PTPRJ: variants seen among roughly 807,000 people sequenced by gnomAD.
PTPRJ encodes protein tyrosine phosphatase receptor type J, also known as receptor-type tyrosine-protein phosphatase eta.
PTPRJ carries 129 observed loss-of-function variants against 141.3 expected under a neutral mutation model. The ratio of observed to expected loss-of-function variants is 0.91; its 90% CI spans 0.79 to 1.06. PTPRJ has a LOEUF of 1.06. Ranked by LOEUF, PTPRJ falls within the 50% of genes least tolerant of loss-of-function variation. The pLI is 0.00. For missense variants in PTPRJ, 1,601 were observed against 1,679.7 expected (o/e 0.95, Z 0.82); for synonymous variants, 610 against 640.5 (o/e 0.95, Z 0.72).
intron 1 of PTPRJ, among the ~76,000 whole-genome samples, chr11:48,027,065 C>G (rs576576209): frequency 1.5e-5 from 2 of 131,508 alleles, no homozygotes. Context: ...ATTGCAGTGG[C>G]GCGATCTCAG....
chr11:48,093,517 A>T (rs1855923886), intron 1 of PTPRJ, among the ~76,000 whole-genome samples: 1 of 152,176 alleles, frequency 6.6e-6, no homozygotes, highest in Non-Finnish European at 1.5e-5. Context: ...GAATTGTTAA[A>T]CTTTTACCAT....
chr11:48,007,387 G>A (rs1463609664), intron 1 of PTPRJ, among the ~76,000 whole-genome samples: 1 of 151,682 alleles, frequency 6.6e-6, no homozygotes, highest in Non-Finnish European at 1.5e-5. Context: ...GGGATTACAG[G>A]CATGAGCCAC....
chr11:48,020,729 C>T (rs1432828082), intron 1 of PTPRJ, among the ~76,000 whole-genome samples: 1 of 152,150 alleles, frequency 6.6e-6, no homozygotes, highest in African/African-American at 2.4e-5. Context: ...GGAAGTATCA[C>T]GGACTGAGTT....
At chr11:47,981,310 C>A (rs1244274673) in intron 1 of PTPRJ, among the ~76,000 whole-genome samples, 2 of 152,176 alleles carry the variant, frequency 1.3e-5, no homozygotes, top group Admixed American at 6.5e-5. Flanking sequence ...CTTCCCGGCG[C>A]TGGGCACATC....
chr11:48,097,525 G>C (rs1411895961), intron 1 of PTPRJ, among the ~76,000 whole-genome samples: 1 of 152,020 alleles, frequency 6.6e-6, no homozygotes, highest in African/African-American at 2.4e-5. Context: ...AGATTAAATG[G>C]TTCCACCTGA....
chr11:47,998,444 G>GA (rs1216851081), intron 1 of PTPRJ, among the ~76,000 whole-genome samples: 16 of 152,286 alleles, frequency 1.1e-4, no homozygotes, highest in African/African-American at 3.8e-4. Context: ...CTGTGTTCTT[G>GA]AAAAAATTAT....
chr11:48,155,778 C>A, intron 19 of PTPRJ, 23 bp from the exon 20 acceptor site: 1 of 1,540,826 alleles, frequency 6.5e-7, no homozygotes, highest in Non-Finnish European at 8.9e-7. Context: ...ATAATGGGGA[C>A]CTTTTTTCTT....
chr11:48,008,727 G>A (rs1744993234), intron 1 of PTPRJ, among the ~76,000 whole-genome samples: 1 of 151,926 alleles, frequency 6.6e-6, no homozygotes, highest in Non-Finnish European at 1.5e-5. Context: ...ACCACGCCCG[G>A]CTAATTTTTG....
At chr11:48,092,619 A>G (rs1855900783) in intron 1 of PTPRJ, among the ~76,000 whole-genome samples, 1 of 152,052 alleles carries the variant, frequency 6.6e-6, no homozygotes, top group Non-Finnish European at 1.5e-5. Context: ...TAGTAGAGAC[A>G]GGGTTTCACC....
intron 3 of PTPRJ, among the ~76,000 whole-genome samples, chr11:48,117,494 T>C (rs1382410889): frequency 1.7e-5 from 2 of 117,400 alleles, no homozygotes; most frequent in African/African-American, 6.6e-5. Flanking sequence ...TGAGCCGAGA[T>C]CGCACCACTG....
chr11:48,092,293 T>G (rs1396561461), intron 1 of PTPRJ, among the ~76,000 whole-genome samples: 1 of 16,900 alleles, frequency 5.9e-5, no homozygotes, highest in African/African-American at 3.8e-4. Context: ...AGATTTCATC[T>G]CAAAAAAAAA....
At chr11:48,162,290 C>T (rs891816784) in intron 22 of PTPRJ, among the ~76,000 whole-genome samples, 13 of 151,930 alleles carry the variant, frequency 8.6e-5, no homozygotes, top group African/African-American at 3.1e-4. Context: ...TGCCCCTCCA[C>T]GAAGATAATA....
chr11:48,022,139 T>C (rs1164218326), intron 1 of PTPRJ, among the ~76,000 whole-genome samples: 1 of 152,106 alleles, frequency 6.6e-6, no homozygotes, highest in African/African-American at 2.4e-5. Flanking sequence ...CTCAGGCCCA[T>C]GGTAAATTTT....
At chr11:48,105,018 G>A (rs901585227) in intron 1 of PTPRJ, among the ~76,000 whole-genome samples, 2 of 152,136 alleles carry the variant, frequency 1.3e-5, no homozygotes, top group African/African-American at 4.8e-5. Flanking sequence ...GCTTGAATGA[G>A]ATGATAAATA....
intron 1 of PTPRJ, among the ~76,000 whole-genome samples, chr11:47,989,487 A>G (rs1444355878): frequency 6.6e-6 from 1 of 151,388 alleles, no homozygotes; most frequent in Non-Finnish European, 1.5e-5. Flanking sequence ...CATGTTGGCC[A>G]GGCTGGTCTT....
At position 48,123,617 on chromosome 11, in the gene PTPRJ, G is replaced by T. The variant is rs137863628; in HGVS notation, c.621G>T (p.Pro207=). 1.6e-4 allele frequency: 258 copies of T among 1,611,984 alleles called. No individual in the cohort carries two copies. The highest frequency in any genetic ancestry group is 2.1e-4 in the Non-Finnish European group (253 of 1,179,174). ...DPRVIKVITE[P]IPVSDLRVAL... The stretch of plus-strand genomic sequence containing the variant: ...CATGTTGTATTTTTAAAATAGAGCC[G>T]ATCCCAGTTTCTGATCTCCGTGTTG... Residue 207 remains proline (P), a synonymous_variant, in exon 5 of 25, where the codon CCG becomes CCT. Transcript: ENST00000418331.
chr11:48,123,908 T>G, intron 5 of PTPRJ, 38 bp downstream of exon 5: 1 of 1,571,266 alleles, frequency 6.4e-7, no homozygotes, highest in Non-Finnish European at 8.7e-7. Flanking sequence ...CCCTTACTGG[T>G]TCTTACTTTC....
At chr11:47,991,034 A>G (rs1854181002) in intron 1 of PTPRJ, among the ~76,000 whole-genome samples, 1 of 152,026 alleles carries the variant, frequency 6.6e-6, no homozygotes, top group Non-Finnish European at 1.5e-5. Flanking sequence ...GAAACCTCTT[A>G]TATTGGGTTT....
At chr11:48,081,101 G>A (rs1391768477) in intron 1 of PTPRJ, among the ~76,000 whole-genome samples, 22 of 152,234 alleles carry the variant, frequency 1.4e-4, no homozygotes, top group Admixed American at 1.4e-3. Context: ...TCCCGGAAGC[G>A]CCCAGGTGTT....
Sources: gnomAD v4.1 joint callset for allele counts (sites outside exome capture counted in the v4.1 genomes callset) on GRCh38, gnomAD v4.1.1 for gene constraint, MANE v1.5 for transcripts, NCBI Gene and HGNC (gene_info 2026-07-23, HGNC 2026-07-21) for gene names.